Variants in MSR1 observed in about 807,000 individuals in gnomAD.
The protein encoded by MSR1 is macrophage scavenger receptor types I and II.
Under a neutral mutation model 47.2 loss-of-function variants are expected in MSR1, and 53 were observed. The ratio of observed to expected loss-of-function variants is 1.12; its 90% CI spans 0.90 to 1.41. MSR1 has a LOEUF of 1.41. Among genes scored for constraint, MSR1 ranks in the 40% most tolerant of loss-of-function variants. The pLI, the probability that MSR1 is intolerant of heterozygous loss-of-function variation, is 0.00. For missense variants in MSR1, 786 were observed against 546.9 expected (o/e 1.44, Z -4.36); for synonymous variants, 239 against 185.6 (o/e 1.29, Z -2.34).
chr8:16,139,177 T>C, intron 8 of MSR1: 1 of 723,620 alleles, frequency 1.4e-6, no homozygotes, highest in South Asian at 6.2e-5. Context: ...CGAGCATCTC[T>C]CTTTTTGCCA....
intron 1 of MSR1, among the ~76,000 whole-genome samples, chr8:16,191,639 T>C (rs1585207023): frequency 6.6e-6 from 1 of 152,148 alleles, no homozygotes; most frequent in Non-Finnish European, 1.5e-5. Flanking sequence ...CTAGTCAAGT[T>C]ACTCAACTAG....
chr8:16,179,726 A>C (rs1801768277), intron 1 of MSR1, among the ~76,000 whole-genome samples: 1 of 145,040 alleles, frequency 6.9e-6, no homozygotes, highest in East Asian at 2.4e-4. Flanking sequence ...TAAAAATACA[A>C]AACAATTAGC....
At position 16,118,777 on chromosome 8, in the gene MSR1, C is replaced by A. The variant is rs149945929; in HGVS notation, c.1222+1641G>T. On this transcript the variant is annotated intron_variant, in intron 9 of 9. Coordinates refer to ENST00000262101, the MANE Select transcript of MSR1 (RefSeq NM_138715.3). ...AAATAACTGATGGCATCATTCAATT[C>A]TCTAGGGATGAAGAGTTGAGGATTT... Among the ~76,000 whole-genome samples, 6 of 152,270 alleles carry A rather than the reference C, an allele frequency of 3.9e-5. No individual in the cohort carries two copies. The East Asian group carries it at 9.6e-4, about 24-fold the overall frequency.
chr8:16,139,971 G>T, intron 8 of MSR1: 1 of 452,156 alleles, frequency 2.2e-6, no homozygotes, highest in Non-Finnish European at 2.9e-6. Flanking sequence ...TATTGTAATT[G>T]CTTGTTCATT....
intron 7 of MSR1, among the ~76,000 whole-genome samples, chr8:16,145,768 C>T (rs988604548): frequency 3.3e-5 from 5 of 151,924 alleles, no homozygotes; most frequent in Non-Finnish European, 7.4e-5. Flanking sequence ...ATTTGCTTAC[C>T]GATGATACTT....
intron 1 of MSR1, chr8:16,186,328 T>G: frequency 1.3e-6 from 1 of 786,186 alleles, no homozygotes; most frequent in Non-Finnish European, 2.1e-6. Flanking sequence ...CCCTTGGTGA[T>G]CTCACTAGCC....
chr8:16,155,096 T>C lies in MSR1; in HGVS notation c.866A>G (p.Glu289Gly). The stretch of plus-strand genomic sequence containing the variant: ...ACCTGGAAATCCTCGTGGACCACTT[T>C]CTCCAGTGGGACCTCGATCTCCTTT... ...GEKGDRGPTG[E>G]SGPRGFPGPI... Residue 289 changes from glutamate (E) to glycine (G), a missense_variant, in exon 6 of 10, where the codon GAA (glutamate) becomes GGA (glycine). Glu to Gly is a moderately conservative substitution (Grantham distance 98). Coordinates refer to ENST00000262101, the MANE Select transcript of MSR1 (RefSeq NM_138715.3). 1 of 1,612,250 alleles carries C rather than the reference T, an allele frequency of 6.2e-7. No homozygotes were observed. The highest frequency in any genetic ancestry group is 8.5e-7 in the Non-Finnish European group (1 of 1,178,800).
intron 1 of MSR1, among the ~76,000 whole-genome samples, chr8:16,188,626 G>A (rs1157495993): frequency 6.6e-6 from 1 of 151,838 alleles, no homozygotes; most frequent in Non-Finnish European, 1.5e-5. Flanking sequence ...AGTCCCACAT[G>A]CATTAGGAGT....
At chr8:16,128,868 G>A (rs755959638) in intron 8 of MSR1, among the ~76,000 whole-genome samples, 5 of 152,084 alleles carry the variant, frequency 3.3e-5, no homozygotes, top group South Asian at 2.1e-4. Flanking sequence ...CCTATTAGAT[G>A]TTTTAATACG....
chr8:16,179,746 T>TGGCA (rs33960506), intron 1 of MSR1, among the ~76,000 whole-genome samples: 32,996 of 151,134 alleles, frequency 0.22, 4,675 homozygotes, highest in East Asian at 0.53. Flanking sequence ...CCAGGTATGG[T>TGGCA]GGCACCTGTA....
intron 9 of MSR1, among the ~76,000 whole-genome samples, chr8:16,119,297 C>G (rs1003541918): frequency 4.6e-5 from 7 of 151,642 alleles, no homozygotes; most frequent in Non-Finnish European, 8.8e-5. Context: ...TGCAGCTCGG[C>G]TCACTGCAAC....
intron 8 of MSR1, among the ~76,000 whole-genome samples, chr8:16,124,607 T>G (rs1041739373): frequency 2.0e-5 from 3 of 152,166 alleles, no homozygotes; most frequent in African/African-American, 7.2e-5. Flanking sequence ...TGTTCCTTCT[T>G]CCCTTCCCAC....
chr8:16,136,415 C>CT (rs1800391018), intron 8 of MSR1, among the ~76,000 whole-genome samples: 1 of 152,098 alleles, frequency 6.6e-6, no homozygotes, highest in Non-Finnish European at 1.5e-5. Flanking sequence ...TTAAAGAACA[C>CT]TTAATAGACT....
intron 9 of MSR1, among the ~76,000 whole-genome samples, chr8:16,115,227 A>G (rs1433531000): frequency 6.6e-6 from 1 of 152,198 alleles, no homozygotes; most frequent in Admixed American, 6.5e-5. Flanking sequence ...AATGATGTAC[A>G]ATATGATATG....
At chr8:16,129,620 T>C (rs1364315372) in intron 8 of MSR1, among the ~76,000 whole-genome samples, 3 of 152,062 alleles carry the variant, frequency 2.0e-5, no homozygotes, top group African/African-American at 7.2e-5. Context: ...TGGTGACCTG[T>C]GCCTGTAGTT....
intron 1 of MSR1, chr8:16,186,131 T>G (rs1279014286): frequency 3.3e-6 from 5 of 1,514,262 alleles, no homozygotes; most frequent in Admixed American, 3.9e-5. Flanking sequence ...AGTCCCTGAG[T>G]GCATAAATGA....
chr8:16,178,067 G>A (rs1801708999), intron 1 of MSR1, 75 bp from the exon 2 acceptor site: 9 of 1,152,452 alleles, frequency 7.8e-6, no homozygotes, highest in African/African-American at 3.1e-5. Flanking sequence ...GTTTTAAACT[G>A]AAATTTCAGT....
chr8:16,154,929 C>A, intron 6 of MSR1, 135 bp downstream of exon 6: 3 of 712,610 alleles, frequency 4.2e-6, no homozygotes, highest in Non-Finnish European at 7.3e-6. Context: ...CACACATGTG[C>A]GTGCATACAC....
chr8:16,170,046 A>G (rs1471815062), intron 3 of MSR1, among the ~76,000 whole-genome samples: 1 of 152,276 alleles, frequency 6.6e-6, no homozygotes, highest in Admixed American at 6.5e-5. Flanking sequence ...AGGCTTAAAC[A>G]TTAACTTTTT....
Sources: allele counts gnomAD v4.1 joint callset (sites outside exome capture counted in the v4.1 genomes callset), GRCh38; gene constraint gnomAD v4.1.1; transcripts MANE v1.5; gene names NCBI Gene and HGNC (gene_info 2026-07-23, HGNC 2026-07-21).